Variants in GHR observed in about 807,000 individuals in gnomAD.
GHR encodes the protein GH receptor.
GHR carries 35 observed loss-of-function variants against 67.1 expected under a neutral mutation model. The ratio of observed to expected loss-of-function variants is 0.52; its 90% CI spans 0.40 to 0.69. GHR has a LOEUF of 0.69. Among genes scored for constraint, GHR ranks in the 30% least tolerant of loss-of-function variants. The pLI is 0.00. For missense variants in GHR, 792 were observed against 764.6 expected, an observed-to-expected ratio of 1.04 and a Z score of -0.42; for synonymous variants, 272 against 269.1, an observed-to-expected ratio of 1.01 and a Z score of -0.10.
At chr5:42,614,173 T>G (rs1188844180) in intron 2 of GHR, among the ~76,000 whole-genome samples, 1 of 152,154 alleles carries the variant, frequency 6.6e-6, no homozygotes. Flanking sequence ...AATGTGAAGT[T>G]TCTTCCCATT....
chr5:42,579,633 G>A (rs1010665364), intron 2 of GHR, among the ~76,000 whole-genome samples: 3 of 152,164 alleles, frequency 2.0e-5, no homozygotes, highest in African/African-American at 7.2e-5. Context: ...TCTAACAAAT[G>A]CTTCCTTTCA....
At chr5:42,487,709 G>C (rs374014940) in intron 1 of GHR, among the ~76,000 whole-genome samples, 1 of 152,054 alleles carries the variant, frequency 6.6e-6, no homozygotes, top group African/African-American at 2.4e-5. Context: ...AATACCATTT[G>C]TCTTCTGATA....
chr5:42,558,739 C>T (rs1749444172), intron 1 of GHR, among the ~76,000 whole-genome samples: 1 of 152,190 alleles, frequency 6.6e-6, no homozygotes, highest in Admixed American at 6.5e-5. Flanking sequence ...TGTGTAAATA[C>T]ACTCTGTGGT....
At chr5:42,432,790 C>T (rs1312301372) in intron 1 of GHR, among the ~76,000 whole-genome samples, 1 of 152,198 alleles carries the variant, frequency 6.6e-6, no homozygotes, top group Non-Finnish European at 1.5e-5. Context: ...AGAAGAACTA[C>T]TACTTTCATA....
At chr5:42,450,805 T>C (rs1744018076) in intron 1 of GHR, among the ~76,000 whole-genome samples, 1 of 152,208 alleles carries the variant, frequency 6.6e-6, no homozygotes, top group South Asian at 2.1e-4. Flanking sequence ...ACTTTTGTTG[T>C]ATCCCATAGG....
At chr5:42,607,284 G>A (rs571699238) in intron 2 of GHR, among the ~76,000 whole-genome samples, 27 of 152,220 alleles carry the variant, frequency 1.8e-4, no homozygotes, top group Admixed American at 1.0e-3. Flanking sequence ...ATAATATAAG[G>A]AGCAAGTCCC....
chr5:42,644,684 C>T (rs1463089251), intron 3 of GHR, among the ~76,000 whole-genome samples: 3 of 150,974 alleles, frequency 2.0e-5, no homozygotes, highest in Non-Finnish European at 4.4e-5. Flanking sequence ...TTTAGAGATA[C>T]ATACCTAGAT....
chr5:42,470,050 A>G (rs1323777864), intron 1 of GHR, among the ~76,000 whole-genome samples: 1 of 134,504 alleles, frequency 7.4e-6, no homozygotes, highest in Non-Finnish European at 1.6e-5. Context: ...CTACTAATAT[A>G]ATTAATAATG....
intron 2 of GHR, among the ~76,000 whole-genome samples, chr5:42,602,590 T>C (rs1358722556): frequency 2.0e-5 from 3 of 152,210 alleles, no homozygotes; most frequent in Non-Finnish European, 4.4e-5. Flanking sequence ...TTCTTTTTTC[T>C]CTTGCTCTCT....
At chr5:42,598,970 G>A (rs1382901479) in intron 2 of GHR, among the ~76,000 whole-genome samples, 1 of 152,178 alleles carries the variant, frequency 6.6e-6, no homozygotes, top group Non-Finnish European at 1.5e-5. Context: ...AGCATCTATA[G>A]GCTGGAGCTT....
chr5:42,702,189 A>G (rs779860794), intron 6 of GHR, among the ~76,000 whole-genome samples: 6 of 152,042 alleles, frequency 3.9e-5, no homozygotes, highest in Non-Finnish European at 5.9e-5. Flanking sequence ...TCTTTCATCA[A>G]TATCTCCTTA....
intron 1 of GHR, among the ~76,000 whole-genome samples, chr5:42,498,397 A>G (rs1438324979): frequency 2.6e-5 from 4 of 152,192 alleles, no homozygotes; most frequent in Non-Finnish European, 5.9e-5. Flanking sequence ...ACTACTTTAT[A>G]TTAGTAATTA....
intron 2 of GHR, 141 bp from the exon 3 acceptor site, chr5:42,628,897 C>G: frequency 1.6e-6 from 1 of 638,452 alleles, no homozygotes; most frequent in Non-Finnish European, 2.9e-6. Context: ...GGCCAGGAAC[C>G]TTTCTCTGGA....
intron 3 of GHR, among the ~76,000 whole-genome samples, chr5:42,671,825 G>A (rs1230180785): frequency 4.6e-5 from 7 of 151,496 alleles, no homozygotes; most frequent in South Asian, 4.2e-4. Flanking sequence ...GCGTAGGGGC[G>A]GGCGCCTGTA....
chr5:42,443,516 A>G (rs1259261725), intron 1 of GHR, among the ~76,000 whole-genome samples: 1 of 152,176 alleles, frequency 6.6e-6, no homozygotes, highest in Non-Finnish European at 1.5e-5. Context: ...AGAGAAGATG[A>G]TCACAGGATG....
chr5:42,671,136 G>C (rs1561214970), intron 3 of GHR, among the ~76,000 whole-genome samples: 1 of 152,130 alleles, frequency 6.6e-6, no homozygotes, highest in Non-Finnish European at 1.5e-5. Flanking sequence ...CCAAGACTGA[G>C]TAATTTATAA....
chr5:42,460,459 A>G (rs530284212), intron 1 of GHR, among the ~76,000 whole-genome samples: 2 of 152,312 alleles, frequency 1.3e-5, no homozygotes, highest in Admixed American at 1.3e-4. Flanking sequence ...TTTAAATGAA[A>G]TTGCTTAAGT....
Position 42,424,715 on chromosome 5 carries a change from G to A in GHR, c.-12+760G>A, listed in dbSNP as rs1742771715. Reference sequence around the variant, plus strand: ...CCAGAGGCTGCGGGTCAATGGGGTGGCCGCGTGTCTAGGGAGAGGGCGCTG... The same window carrying A: ...CCAGAGGCTGCGGGTCAATGGGGTGACCGCGTGTCTAGGGAGAGGGCGCTG... On this transcript the variant is annotated intron_variant, in intron 1 of 9. Transcript: ENST00000230882. The surrounding 1 kb of genome is among the most constrained non-coding windows in gnomAD (Gnocchi z 4.1). 9.4e-7 allele frequency: 1 copy of A among 1,059,352 alleles called. No individual in the cohort carries two copies. The highest frequency in any genetic ancestry group is 1.3e-5 in the South Asian group (1 of 74,746). The allele number at this position is 1,059,352 out of a possible 1,614,324, so 65.6% of individuals were successfully genotyped here.
chr5:42,566,671 C>CTT (rs11415347), intron 2 of GHR, among the ~76,000 whole-genome samples: 13,333 of 146,298 alleles, frequency 0.091, 882 homozygotes, highest in African/African-American at 0.18. Context: ...GGGTGGGAGA[C>CTT]TTTTTTTTTT....
Sources: allele counts gnomAD v4.1 joint callset (sites outside exome capture counted in the v4.1 genomes callset), GRCh38; gene constraint gnomAD v4.1.1; non-coding constraint Gnocchi (gnomAD v3.1); transcripts MANE v1.5; gene names NCBI Gene and HGNC (gene_info 2026-07-23, HGNC 2026-07-21).